The following SNF8 variants were observed in gnomAD, a reference collection of about 807,000 sequenced individuals.
The protein encoded by SNF8 is SNF8 subunit of ESCRT-II.
SNF8 carries 19 observed loss-of-function variants against 36.8 expected under a neutral mutation model. The observed-to-expected ratio is 0.52, with a 90% CI of 0.36 to 0.76. The LOEUF (loss-of-function observed/expected upper bound fraction) is 0.76. SNF8 is among the 30% of genes least tolerant of loss of function. The pLI, the probability that SNF8 is intolerant of heterozygous loss-of-function variation, is 0.00. For synonymous variants in SNF8, 127 were observed against 127.4 expected (o/e 1.00, Z 0.02); for missense variants, 268 against 322.9 (o/e 0.83, Z 1.30).
intron 3 of SNF8, among the ~76,000 whole-genome samples, chr17:48,940,499 C>T (rs954237030): frequency 4.6e-5 from 7 of 151,718 alleles, no homozygotes; most frequent in African/African-American, 1.5e-4. Context: ...TCCCTAAAGA[C>T]GACACCCTTG....
chr17:48,938,366 G>A (rs1369911958), intron 3 of SNF8, among the ~76,000 whole-genome samples: 1 of 151,594 alleles, frequency 6.6e-6, no homozygotes, highest in East Asian at 1.9e-4. Context: ...CATGGTGGTG[G>A]GCACCTGTAA....
chr17:48,939,428 C>CA (rs2040987334), intron 3 of SNF8, among the ~76,000 whole-genome samples: 1 of 149,702 alleles, frequency 6.7e-6, no homozygotes. Context: ...ACAGAAACCT[C>CA]AATGCTAAAA....
intron 5 of SNF8, among the ~76,000 whole-genome samples, chr17:48,934,846 C>T (rs982856353): frequency 2.6e-5 from 4 of 152,160 alleles, no homozygotes; most frequent in Non-Finnish European, 5.9e-5. Flanking sequence ...TAAGCTATTG[C>T]ACCCAGCCTC....
intron 2 of SNF8, among the ~76,000 whole-genome samples, 170 bp downstream of exon 2, chr17:48,943,755 G>A (rs1174219417): frequency 5.3e-5 from 8 of 152,212 alleles, no homozygotes; most frequent in Non-Finnish European, 1.5e-5. Context: ...AAAGATGTTA[G>A]CCATTATTGT....
rs1419163586 is a variant in SNF8, at chr17:48,944,806, C to T, written c.-72G>A. 7 of 1,456,154 alleles carry T rather than the reference C, an allele frequency of 4.8e-6. No homozygotes were observed. In the South Asian group the frequency reaches 7.1e-5, roughly 15 times the overall value. 90.2% of individuals were successfully genotyped at this position (1,456,154 alleles called of 1,614,324 possible). On this transcript the variant is annotated 5_prime_UTR_variant, in exon 1 of 8. Transcript: ENST00000502492. Reference sequence around the variant, plus strand: ...TCCACGTCCCGGACTCCGCCGCCGGCTCCCCAAGGCGGAAGCCCGAGCCGC... The same window carrying T: ...TCCACGTCCCGGACTCCGCCGCCGGTTCCCCAAGGCGGAAGCCCGAGCCGC...
intron 2 of SNF8, among the ~76,000 whole-genome samples, chr17:48,943,385 C>A (rs974325567): frequency 6.6e-6 from 1 of 152,084 alleles, no homozygotes; most frequent in Non-Finnish European, 1.5e-5. Context: ...CCAAGGTGGG[C>A]GGATCACGAG....
chr17:48,943,632 CA>C, intron 2 of SNF8, among the ~76,000 whole-genome samples: 2 of 139,104 alleles, frequency 1.4e-5, no homozygotes, highest in Non-Finnish European at 3.2e-5. Context: ...AACAAACAAA[CA>C]CCTCAGAATA....
intron 3 of SNF8, 57 bp downstream of exon 3, chr17:48,940,867 G>A (rs988688128): frequency 1.9e-5 from 30 of 1,581,232 alleles, no homozygotes; most frequent in Non-Finnish European, 2.5e-5. Context: ...AACTATGTGA[G>A]CTTCTGTTCC....
intron 3 of SNF8, among the ~76,000 whole-genome samples, chr17:48,940,139 T>G (rs942699532): frequency 2.7e-5 from 4 of 150,694 alleles, no homozygotes; most frequent in Non-Finnish European, 4.4e-5. Flanking sequence ...CTTCCCAGTC[T>G]CAAGCAATCC....
Position 48,944,804 on chromosome 17 carries a change from G to A in SNF8, c.-70C>T, listed in dbSNP as rs1241672185. On this transcript the variant is annotated 5_prime_UTR_variant, in exon 1 of 8. Transcript: ENST00000502492. Reference sequence around the variant, plus strand: ...TCTCCACGTCCCGGACTCCGCCGCCGGCTCCCCAAGGCGGAAGCCCGAGCC... The same window carrying A: ...TCTCCACGTCCCGGACTCCGCCGCCAGCTCCCCAAGGCGGAAGCCCGAGCC... 36 of 1,455,794 alleles carry A rather than the reference G, an allele frequency of 2.5e-5. No homozygotes were observed. The highest frequency in any genetic ancestry group is 2.8e-5 in the Non-Finnish European group (31 of 1,116,106). 90.2% of individuals were successfully genotyped at this position (1,455,794 alleles called of 1,614,324 possible).
intron 3 of SNF8, among the ~76,000 whole-genome samples, chr17:48,937,702 T>C (rs1447271622): frequency 1.3e-5 from 2 of 150,096 alleles, no homozygotes; most frequent in East Asian, 3.9e-4. Flanking sequence ...CCAAAGCTGG[T>C]GGATCACAAG....
At chr17:48,933,625 T>G (rs2040892795) in intron 5 of SNF8, 2 of 341,830 alleles carry the variant, frequency 5.9e-6, no homozygotes, top group Admixed American at 4.0e-5. Context: ...CCTATAATCC[T>G]TGGGAGGCTG....
chr17:48,942,333 G>T (rs1250944720), intron 2 of SNF8, among the ~76,000 whole-genome samples: 1 of 144,988 alleles, frequency 6.9e-6, no homozygotes. Context: ...GCGAAACTTG[G>T]TCTCAAAAAA....
At chr17:48,941,810 C>A in intron 2 of SNF8, among the ~76,000 whole-genome samples, 1 of 152,062 alleles carries the variant, frequency 6.6e-6, no homozygotes, top group East Asian at 1.9e-4. Flanking sequence ...CTTGCCTCAG[C>A]CTCCCGACTA....
chr17:48,934,308 C>T (rs1355340433), intron 5 of SNF8, among the ~76,000 whole-genome samples: 1 of 151,848 alleles, frequency 6.6e-6, no homozygotes, highest in Non-Finnish European at 1.5e-5. Context: ...CTTTTGTTAT[C>T]ACTTTCCTTT....
At chr17:48,940,860 T>C (rs1310443735) in intron 3 of SNF8, 64 bp downstream of exon 3, 1 of 1,573,066 alleles carries the variant, frequency 6.4e-7, no homozygotes, top group East Asian at 2.3e-5. Context: ...TAACAACAAC[T>C]ATGTGAGCTT....
At chr17:48,943,903 T>TG in intron 2 of SNF8, 22 bp downstream of exon 2, 1 of 1,613,218 alleles carries the variant, frequency 6.2e-7, no homozygotes. Context: ...CCTCCCTGCC[T>TG]GGGGCCCCCC....
chr17:48,930,552 AGTG>A lies in SNF8; in HGVS notation c.697_699del (p.His233del). 6.2e-7 allele frequency: 1 copy of A among 1,613,610 alleles called. No homozygotes were observed. Among genetic ancestry groups the A allele is most frequent in the Admixed American group, 1.7e-5 (1 of 60,008 alleles). On this transcript the variant is annotated inframe_deletion, in exon 8 of 8. Coordinates refer to ENST00000502492, the MANE Select transcript of SNF8 (RefSeq NM_007241.4). ...TCAGTGAAGAGAGCTGGCAGCCAGT[AGTG>A]GGCCTCCCCTGGGGCCTGTAAGTCC...
At chr17:48,931,887 C>G (rs1176470749) in intron 6 of SNF8, 170 bp from the exon 7 acceptor site, 1 of 534,950 alleles carries the variant, frequency 1.9e-6, no homozygotes, top group East Asian at 3.3e-5. Flanking sequence ...AAGTGACTTT[C>G]AGCATGACAG....
Sources: allele counts gnomAD v4.1 joint callset (sites outside exome capture counted in the v4.1 genomes callset), GRCh38; gene constraint gnomAD v4.1.1; transcripts MANE v1.5; gene names NCBI Gene and HGNC (gene_info 2026-07-23, HGNC 2026-07-21).